ZNF581: variants seen among roughly 807,000 people sequenced by gnomAD.
ZNF581 encodes the protein zinc finger protein 581.
In ZNF581, 1 loss-of-function variant was observed where a neutral mutation model predicts 1.2. That is an observed-to-expected ratio of 0.83 (90% confidence interval 0.30 to 3.95). The LOEUF is 3.95. Ranked by LOEUF, ZNF581 falls within the 30% of genes most tolerant of loss-of-function variation. ZNF581 has a pLI of 0.18. For missense variants in ZNF581, 273 were observed against 274.6 expected (o/e 0.99, Z 0.04); for synonymous variants, 105 against 109.2 (o/e 0.96, Z 0.24).
upstream of ZNF581, chr19:55,642,575 C>G: frequency 6.9e-7 from 1 of 1,446,982 alleles, no homozygotes; most frequent in Non-Finnish European, 9.1e-7. Flanking sequence ...GGACCCACCG[C>G]CCCCCAAGGC....
At chr19:55,643,179 A>C (rs11671023), upstream of ZNF581, 159,529 of 1,206,880 alleles carry the variant, frequency 0.13, 11,236 homozygotes, top group Middle Eastern at 0.16. Context: ...AGGGAGGAGC[A>C]TCATTCCTTC....
chr19:55,641,216 C>T (rs1439514791), upstream of ZNF581: 7 of 981,994 alleles, frequency 7.1e-6, no homozygotes, highest in Non-Finnish European at 8.5e-6. Flanking sequence ...AGGAGCCTGG[C>T]CCTGGGACGA....
In ZNF581 at chr19:55,645,083, G is replaced by C. The variant is rs963947913; in HGVS notation, c.512G>C (p.Arg171Pro). The change falls in exon 2 of 2, where the codon CGC (arginine) becomes CCC (proline). Residue 171 changes from arginine to proline, a missense_variant. Coordinates refer to ENST00000270451, the MANE Select transcript of ZNF581 (RefSeq NM_016535.4). ...AQHSRVHSGE[R>P]PFQCPHCPRR... Reference sequence around the variant, plus strand: ...CACAGCCGGGTGCACTCTGGGGAACGCCCGTTTCAGTGTCCACACTGCCCT... The same window carrying C: ...CACAGCCGGGTGCACTCTGGGGAACCCCCGTTTCAGTGTCCACACTGCCCT... The C allele has an allele frequency of 6.4e-7, 1 of 1,552,134 alleles. No homozygotes were observed. Among genetic ancestry groups the C allele is most frequent in the South Asian group, 1.2e-5 (1 of 83,322 alleles).
chr19:55,641,004 C>A, upstream of ZNF581: 1 of 985,386 alleles, frequency 1.0e-6, no homozygotes, highest in Non-Finnish European at 1.2e-6. Flanking sequence ...CGGCCGGCGC[C>A]TTTTCCCAGG....
chr19:55,645,070 C>A lies in ZNF581; in HGVS notation c.499C>A (p.His167Asn), dbSNP rs1206214742. Residue 167 changes from histidine to asparagine, a missense_variant, in exon 2 of 2, where the codon CAC becomes AAC. Transcript: ENST00000270451. ...TGAGCTGGCCCAGCACAGCCGGGTG[C>A]ACTCTGGGGAACGCCCGTTTCAGTG... ...AGELAQHSRV[H>N]SGERPFQCPH... is the part of the protein sequence containing the mutation. 1.3e-6 allele frequency: 2 copies of A among 1,564,844 alleles called. No individual in the cohort carries two copies. Among genetic ancestry groups the A allele is most frequent in the African/African-American group, 2.7e-5 (2 of 74,058 alleles).
chr19:55,638,461 T>A (rs1481782050), upstream of ZNF581, among the ~76,000 whole-genome samples: 1 of 152,094 alleles, frequency 6.6e-6, no homozygotes, highest in Non-Finnish European at 1.5e-5. Context: ...ATGGTCTTGA[T>A]CTTGACCTCG....
At chr19:55,640,935 C>T (rs1249740524), upstream of ZNF581, 2 of 985,198 alleles carry the variant, frequency 2.0e-6, no homozygotes, top group Non-Finnish European at 2.4e-6. Flanking sequence ...TCCGCAGAGG[C>T]GAGGGGTGGG....
upstream of ZNF581, chr19:55,641,040 G>C (rs1235183090): frequency 1.0e-6 from 1 of 984,014 alleles, no homozygotes; most frequent in Non-Finnish European, 1.2e-6. Flanking sequence ...TCGCACCCCC[G>C]CGCCCCCAGT....
At chr19:55,640,182 C>T (rs1439888372), upstream of ZNF581, 26 of 985,364 alleles carry the variant, frequency 2.6e-5, no homozygotes, top group Non-Finnish European at 2.8e-5. Flanking sequence ...CGCCACGTGG[C>T]TGGAGGAGGA....
upstream of ZNF581, chr19:55,640,287 C>CG: frequency 1.0e-6 from 1 of 985,488 alleles, no homozygotes; most frequent in Admixed American, 6.1e-5. Context: ...CCTTCGCATG[C>CG]GCAGCCAGCG....
At chr19:55,641,258 T>G, upstream of ZNF581, 1 of 918,820 alleles carries the variant, frequency 1.1e-6, no homozygotes, top group Non-Finnish European at 1.3e-6. Flanking sequence ...GGGAGTGCGC[T>G]GGAGCCACCC....
upstream of ZNF581, among the ~76,000 whole-genome samples, chr19:55,641,565 G>A (rs1204820563): frequency 6.6e-6 from 1 of 152,174 alleles, no homozygotes; most frequent in Non-Finnish European, 1.5e-5. Flanking sequence ...ACAGAAAGGA[G>A]GGGAAAGTGG....
At chr19:55,636,664 A>G (rs1166674108), upstream of ZNF581, among the ~76,000 whole-genome samples, 1 of 152,134 alleles carries the variant, frequency 6.6e-6, no homozygotes, top group Non-Finnish European at 1.5e-5. Context: ...AGCAGGCAGT[A>G]GATCAACGAG....
upstream of ZNF581, chr19:55,641,048 AGTCCCCGC>A (rs2123625522): frequency 3.0e-6 from 3 of 984,898 alleles, no homozygotes; most frequent in South Asian, 4.7e-5. Context: ...CCGCGCCCCC[AGTCCCCGC>A]GTCCCCGGCG....
rs373713983 is a variant in ZNF581 at position 55,645,006 on chromosome 19, C to T, written c.435C>T (p.His145=). 32 of 1,598,954 alleles carry T rather than the reference C, an allele frequency of 2.0e-5. No homozygotes were observed. Among genetic ancestry groups the T allele is most frequent in the Admixed American group, 1.2e-4 (7 of 59,538 alleles). The change falls in exon 2 of 2, where the codon CAC becomes CAT. Residue 145 remains histidine, a synonymous_variant. Transcript: ENST00000270451. ...SIHLAGGGRP[H]GCPLCPRRFR... ...ACCTGGCGGGTGGTGGGCGGCCCCA[C>T]GGCTGCCCGCTCTGCCCTCGCCGCT...
Position 55,644,962 on chromosome 19 carries a change from G to T in ZNF581, c.391G>T (p.Ala131Ser). The T allele has an allele frequency of 6.2e-7, 1 of 1,612,204 alleles. No homozygotes were observed. The highest frequency in any genetic ancestry group is 8.5e-7 in the Non-Finnish European group (1 of 1,178,544). Residue 131 changes from alanine to serine, a missense_variant, in exon 2 of 2, where the codon GCA becomes TCA. By Grantham distance (99) the Ala-to-Ser change is moderately conservative. Coordinates refer to ENST00000270451, the MANE Select transcript of ZNF581 (RefSeq NM_016535.4). This position sits in a 1 kb window ranked among gnomAD's most constrained non-coding sequence, Gnocchi z 4.3. Reference protein sequence around the residue: ...GKAFKRASHLARHHSIHLAGG... With the variant: ...GKAFKRASHLSRHHSIHLAGG... Reference sequence around the variant, plus strand: ...GGCATTCAAGCGCGCCAGCCACTTGGCACGGCACCATTCCATTCACCTGGC... The same window carrying T: ...GGCATTCAAGCGCGCCAGCCACTTGTCACGGCACCATTCCATTCACCTGGC...
upstream of ZNF581, chr19:55,641,221 G>A: frequency 1.0e-6 from 1 of 980,996 alleles, no homozygotes; most frequent in Non-Finnish European, 1.2e-6. Flanking sequence ...CCTGGCCCTG[G>A]GACGACGCCG....
At chr19:55,640,391 C>T, upstream of ZNF581, 9 of 985,514 alleles carry the variant, frequency 9.1e-6, no homozygotes, top group Non-Finnish European at 9.6e-6. Flanking sequence ...TTTCCCACCT[C>T]CGCATCTGGC....
Position 55,644,786 on chromosome 19 carries a change from A to G in ZNF581, c.215A>G (p.Gln72Arg). 2 of 1,613,476 alleles carry G rather than the reference A, an allele frequency of 1.2e-6. No homozygotes were observed. Among genetic ancestry groups the G allele is most frequent in the Non-Finnish European group, 1.7e-6 (2 of 1,179,472 alleles). The change falls in exon 2 of 2, where the codon CAG (glutamine) becomes CGG (arginine). Residue 72 changes from glutamine to arginine, a missense_variant. Gln to Arg is a conservative substitution (Grantham distance 43). Coordinates refer to ENST00000270451, the MANE Select transcript of ZNF581 (RefSeq NM_016535.4). The surrounding 1 kb of genome is among the most constrained non-coding windows in gnomAD (Gnocchi z 4.3). ...ACAGTGCTGGTGGACGAGGAGTCAC[A>G]GAGGGAGCCAGGGGCCAGTGGGGCT... ...PYTVLVDEES[Q>R]REPGASGAPG...
Sources: gnomAD v4.1 joint callset for allele counts (sites outside exome capture counted in the v4.1 genomes callset) on GRCh38, gnomAD v4.1.1 for gene constraint, Gnocchi (gnomAD v3.1) non-coding constraint, MANE v1.5 for transcripts, NCBI Gene and HGNC (gene_info 2026-07-23, HGNC 2026-07-21) for gene names.